TNFSF4: variants seen among roughly 807,000 people sequenced by gnomAD.
TNFSF4 encodes tumor necrosis factor ligand superfamily member 4.
In TNFSF4, 4 loss-of-function variants were observed where a neutral mutation model predicts 7.3. That is an observed-to-expected ratio of 0.55 (90% CI 0.27 to 1.25). TNFSF4 has a LOEUF of 1.25. Ranked by LOEUF, TNFSF4 falls within the 50% of genes most tolerant of loss-of-function variation. TNFSF4 has a pLI of 0.12. For synonymous variants in TNFSF4, 76 were observed against 83.7 expected (o/e 0.91, Z 0.50); for missense variants, 181 against 208.8 (o/e 0.87, Z 0.82).
At chr1:173,325,630 A>G in the TNFSF4 span, among the ~76,000 whole-genome samples, 1 of 152,070 alleles carries the variant, frequency 6.6e-6, no homozygotes, top group African/African-American at 2.4e-5. Flanking sequence ...AAGACTAATA[A>G]AGAAGAAAAG....
intron 1 of TNFSF4, among the ~76,000 whole-genome samples, chr1:173,197,758 G>A (rs991809247): frequency 4.6e-5 from 7 of 152,094 alleles, no homozygotes; most frequent in Admixed American, 1.3e-4. Flanking sequence ...GGTTTGATCT[G>A]TGCAGCAAGC....
the TNFSF4 span, among the ~76,000 whole-genome samples, chr1:173,268,386 A>C: frequency 6.6e-6 from 1 of 152,158 alleles, no homozygotes; most frequent in Non-Finnish European, 1.5e-5. Flanking sequence ...CTAGAAGCAG[A>C]AGAAGCTAAA....
At chr1:173,380,252 A>C in the TNFSF4 span, among the ~76,000 whole-genome samples, 1 of 152,184 alleles carries the variant, frequency 6.6e-6, no homozygotes, top group Admixed American at 6.5e-5. Context: ...TTAGGGAGGG[A>C]CATATTAGCC....
At chr1:173,260,909 T>TG in the TNFSF4 span, among the ~76,000 whole-genome samples, 80 of 152,312 alleles carry the variant, frequency 5.3e-4, no homozygotes, top group Non-Finnish European at 6.6e-4. Flanking sequence ...AACACCCCAC[T>TG]GTCAATATTA....
chr1:173,322,614 G>C, the TNFSF4 span, among the ~76,000 whole-genome samples: 1 of 152,240 alleles, frequency 6.6e-6, no homozygotes, highest in South Asian at 2.1e-4. Flanking sequence ...AAGCACAAGG[G>C]GTCAGGGAAT....
At chr1:173,432,983 A>T in the TNFSF4 span, among the ~76,000 whole-genome samples, 1 of 152,226 alleles carries the variant, frequency 6.6e-6, no homozygotes, top group Non-Finnish European at 1.5e-5. Context: ...ATATGTATGT[A>T]TGTACATATA....
chr1:173,408,658 G>A, the TNFSF4 span, among the ~76,000 whole-genome samples: 14 of 151,696 alleles, frequency 9.2e-5, no homozygotes, highest in South Asian at 1.0e-3. Context: ...GCAGTGGCTC[G>A]ATCACTGCAG....
In TNFSF4 at chr1:173,184,722, CAA is replaced by C. The variant is rs1178119661; in HGVS notation, c.*1792_*1793del. Reference sequence around the variant, plus strand: ...TGAAATACACACACACACACACACACAAACACACACACAATCTTCTGAGTAGT... The same window carrying C: ...TGAAATACACACACACACACACACACACACACACACAATCTTCTGAGTAGT... On this transcript the variant is annotated 3_prime_UTR_variant, in exon 3 of 3. Transcript: ENST00000281834. 1 of 150,560 alleles carries C rather than the reference CAA, an allele frequency of 6.6e-6. No homozygotes were observed. The highest frequency in any genetic ancestry group is 1.5e-5 in the Non-Finnish European group (1 of 67,232). 9.3% of individuals were successfully genotyped at this position (150,560 alleles called of 1,614,324 possible). A position where few individuals can be genotyped will look rare whatever the true frequency, so the allele number is the denominator to read the frequency against.
the TNFSF4 span, among the ~76,000 whole-genome samples, chr1:173,407,703 GGTGT>G: frequency 6.1e-5 from 9 of 148,352 alleles, no homozygotes; most frequent in Non-Finnish European, 8.9e-5. Flanking sequence ...GATGTAAATG[GGTGT>G]GTGTGTGTGT....
chr1:173,204,671 C>T (rs1002532479), intron 1 of TNFSF4, among the ~76,000 whole-genome samples: 2 of 152,124 alleles, frequency 1.3e-5, no homozygotes, highest in African/African-American at 4.8e-5. Flanking sequence ...TATTTCACCT[C>T]CAATACACAT....
the TNFSF4 span, among the ~76,000 whole-genome samples, chr1:173,334,258 T>C: frequency 7.2e-5 from 11 of 152,270 alleles, no homozygotes; most frequent in Non-Finnish European, 1.3e-4. Flanking sequence ...CATAGCATAA[T>C]CTGGCAATAG....
At chr1:173,251,329 A>G in the TNFSF4 span, among the ~76,000 whole-genome samples, 110 of 152,402 alleles carry the variant, frequency 7.2e-4, 2 homozygotes, top group South Asian at 0.012. Context: ...TGCCCAAGAA[A>G]GAAATCTGAA....
chr1:173,283,322 G>T, the TNFSF4 span, among the ~76,000 whole-genome samples: 2 of 152,064 alleles, frequency 1.3e-5, no homozygotes, highest in Non-Finnish European at 2.9e-5. Context: ...TGAAACCTGA[G>T]AGGGAATCAA....
chr1:173,264,953 T>TTCAGACCATCACAACACAAGGC, the TNFSF4 span, among the ~76,000 whole-genome samples: 6 of 152,210 alleles, frequency 3.9e-5, no homozygotes, highest in African/African-American at 1.4e-4. Context: ...TAAATTTGAA[T>TTCAGACCATCACAACACAAGGC]TCAGACCATC....
chr1:173,217,325 C>G, the TNFSF4 span, among the ~76,000 whole-genome samples: 1 of 152,178 alleles, frequency 6.6e-6, no homozygotes, highest in Admixed American at 6.5e-5. Flanking sequence ...CCCTTCAGCT[C>G]CCCACTGTTC....
the TNFSF4 span, among the ~76,000 whole-genome samples, chr1:173,244,925 C>T: frequency 2.0e-5 from 3 of 151,564 alleles, no homozygotes; most frequent in Admixed American, 1.3e-4. Context: ...CTTTTCTTTC[C>T]CATTCTATTT....
chr1:173,419,802 T>G, the TNFSF4 span, among the ~76,000 whole-genome samples: 1 of 152,144 alleles, frequency 6.6e-6, no homozygotes, highest in East Asian at 1.9e-4. Context: ...ACTTATGGGT[T>G]TTTTAAGATT....
At chr1:173,437,637 A>G in the TNFSF4 span, among the ~76,000 whole-genome samples, 1 of 152,086 alleles carries the variant, frequency 6.6e-6, no homozygotes, top group Admixed American at 6.5e-5. Context: ...CTGATTCTCA[A>G]TTGACCCAAA....
At chr1:173,295,699 G>A in the TNFSF4 span, among the ~76,000 whole-genome samples, 1 of 151,964 alleles carries the variant, frequency 6.6e-6, no homozygotes, top group Non-Finnish European at 1.5e-5. Context: ...CTGTCACTGT[G>A]AGCTTCATCT....
Sources: gnomAD v4.1 joint callset for allele counts (sites outside exome capture counted in the v4.1 genomes callset) on GRCh38, gnomAD v4.1.1 for gene constraint, MANE v1.5 for transcripts, NCBI Gene and HGNC (gene_info 2026-07-23, HGNC 2026-07-21) for gene names.